The following RPGRIP1 variants were observed in gnomAD, a reference collection of about 807,000 sequenced individuals.
RPGRIP1 encodes X-linked retinitis pigmentosa GTPase regulator-interacting protein 1.
A neutral mutation model predicts 157.9 loss-of-function variants in RPGRIP1; 128 were observed. That is an observed-to-expected ratio of 0.81 (90% confidence interval 0.70 to 0.94). The LOEUF is 0.94. RPGRIP1 is among the 40% of genes least tolerant of loss of function. The probability of loss-of-function intolerance (pLI) is 0.00; values close to 1 mark genes in which losing one functional copy is unlikely to be tolerated. For synonymous variants in RPGRIP1, 554 were observed against 571.6 expected (o/e 0.97, Z 0.44); for missense variants, 1,486 against 1,545.8 (o/e 0.96, Z 0.65).
In RPGRIP1 at chr14:21,330,379, C is replaced by A; in HGVS notation, c.3230C>A (p.Pro1077His). ...SALKQKEPLH[P>H]VNDKESSEQG... ...CTGAAACAGAAGGAACCTCTACATC[C>A]TGTAAATGGTATTGTCTTTTAAAAT... Residue 1077 changes from proline (P) to histidine (H), a missense_variant, in exon 20 of 25, where the codon CCT (proline) becomes CAT (histidine). Physicochemically the swap from Pro to His is moderately conservative, Grantham distance 77 (BLOSUM62 -2). Transcript: ENST00000400017. The A allele has an allele frequency of 1.3e-6, 2 of 1,519,114 alleles. No individual in the cohort carries two copies. Among genetic ancestry groups the A allele is most frequent in the Non-Finnish European group, 1.8e-6 (2 of 1,140,774 alleles). 94.1% of individuals were successfully genotyped at this position (1,519,114 alleles called of 1,614,324 possible). A position where few individuals can be genotyped will look rare whatever the true frequency, so the allele number is the denominator to read the frequency against.
rs781308681 is a variant in RPGRIP1 at position 21,334,616 on chromosome 14, T to C, written c.3250T>C (p.Ser1084Pro). The C allele has an allele frequency of 1.8e-5, 29 of 1,606,304 alleles. No individual in the cohort carries two copies. Among genetic ancestry groups the C allele is most frequent in the Middle Eastern group, 1.7e-4 (1 of 6,054 alleles). ...CTCTTCTCTAGCAGACAAAGAATCC[T>C]CTGAACAAGGTTCTGAAGTCAGTGA... ...PLHPVNDKESSEQGSEVSEAQ... is the reference protein window; with the variant it reads ...PLHPVNDKESPEQGSEVSEAQ... Residue 1084 changes from serine (S) to proline (P), a missense_variant, in exon 21 of 25, where the codon TCT (serine) becomes CCT (proline). Coordinates refer to ENST00000400017, the MANE Select transcript of RPGRIP1 (RefSeq NM_020366.4).
rs914959026 is a variant in RPGRIP1 at position 21,345,328 on chromosome 14, C to T, written c.3617+131C>T. 15 of 621,020 alleles carry T rather than the reference C, an allele frequency of 2.4e-5. No homozygotes were observed. The African/African-American group carries it at 2.8e-4, about 12-fold the overall frequency. The allele number at this position is 621,020 out of a possible 1,614,324, so 38.5% of individuals were successfully genotyped here. On this transcript the variant is annotated intron_variant, in intron 23 of 24. Coordinates refer to ENST00000400017, the MANE Select transcript of RPGRIP1 (RefSeq NM_020366.4). ...AGTTAATTTACTCTTAATGAATTTCCTATGTACTTGAGTATAATTTATATT... is the reference window on the plus strand; with the variant it reads ...AGTTAATTTACTCTTAATGAATTTCTTATGTACTTGAGTATAATTTATATT...
intron 14 of RPGRIP1, among the ~76,000 whole-genome samples, chr14:21,323,082 G>A (rs111590496): frequency 6.6e-6 from 1 of 152,100 alleles, no homozygotes; most frequent in Non-Finnish European, 1.5e-5. Context: ...GCCCTCTTTC[G>A]GGAAGCAAAA....
intron 23 of RPGRIP1, among the ~76,000 whole-genome samples, chr14:21,346,703 T>C (rs1885608264): frequency 6.6e-6 from 1 of 152,228 alleles, no homozygotes; most frequent in Admixed American, 6.5e-5. Flanking sequence ...TTTTTAATTT[T>C]TTTGTTTGTT....
At chr14:21,346,370 T>C (rs1449459047) in intron 23 of RPGRIP1, among the ~76,000 whole-genome samples, 1 of 151,940 alleles carries the variant, frequency 6.6e-6, no homozygotes, top group Non-Finnish European at 1.5e-5. Flanking sequence ...GCCGACATGG[T>C]GAAACCCCAT....
intron 4 of RPGRIP1, among the ~76,000 whole-genome samples, chr14:21,301,621 G>A (rs57189871): frequency 0.024 from 3,606 of 151,272 alleles, 136 homozygotes; most frequent in African/African-American, 0.082. Flanking sequence ...AGGTTGCAGT[G>A]AGCTGAGATT....
chr14:21,302,792 C>T (rs1170134153), intron 5 of RPGRIP1: 1 of 359,526 alleles, frequency 2.8e-6, no homozygotes, highest in Non-Finnish European at 5.0e-6. Context: ...AAATAAAGGT[C>T]CATTTCTCAG....
Position 21,303,339 on chromosome 14 carries a change from G to A in RPGRIP1, c.596G>A (p.Gly199Asp). The A allele has an allele frequency of 6.2e-7, 1 of 1,611,620 alleles. No homozygotes were observed. The highest frequency in any genetic ancestry group is 1.7e-5 in the Admixed American group (1 of 59,782). The change falls in exon 6 of 25, where the codon GGT becomes GAT. Residue 199 changes from glycine to aspartate, a missense_variant. Gly to Asp is a moderately conservative substitution (Grantham distance 94, BLOSUM62 -1). Coordinates refer to ENST00000400017, the MANE Select transcript of RPGRIP1 (RefSeq NM_020366.4). ...ATCCTTTTTGTATTTAGTGTTTCTGGTTCTAACAGCATAATTTCTTTCAGC... is the reference window on the plus strand; with the variant it reads ...ATCCTTTTTGTATTTAGTGTTTCTGATTCTAACAGCATAATTTCTTTCAGC... The part of the protein sequence containing the change: ...VASKPSELVS[G>D]SNSIISFSSV...
At chr14:21,293,075 G>A (rs1217321461) in intron 2 of RPGRIP1, among the ~76,000 whole-genome samples, 1 of 152,066 alleles carries the variant, frequency 6.6e-6, no homozygotes, top group East Asian at 1.9e-4. Context: ...GAACCTGGGA[G>A]GCAGAGGTTG....
At chr14:21,328,962 G>A (rs1883411655) in intron 19 of RPGRIP1, among the ~76,000 whole-genome samples, 1 of 152,078 alleles carries the variant, frequency 6.6e-6, no homozygotes, top group Non-Finnish European at 1.5e-5. Flanking sequence ...TGACCAACAT[G>A]GTGAAACCCT....
In RPGRIP1 at chr14:21,327,685, T is replaced by G; in HGVS notation, c.2773T>G (p.Trp925Gly). 6.2e-7 allele frequency: 1 copy of G among 1,613,972 alleles called. No individual in the cohort carries two copies. Among genetic ancestry groups the G allele is most frequent in the Non-Finnish European group, 8.5e-7 (1 of 1,179,874 alleles). ...PNGSIQVQLD[W>G]KFPYIPPESF... is the part of the protein sequence containing the mutation. ...CGGATCTATTCAAGTGCAACTGGATTGGAAGTTTCCCTACATACCCCCTGA... is the reference window on the plus strand; with the variant it reads ...CGGATCTATTCAAGTGCAACTGGATGGGAAGTTTCCCTACATACCCCCTGA... The change falls in exon 18 of 25, where the codon TGG becomes GGG. Residue 925 changes from tryptophan to glycine, a missense_variant. Transcript: ENST00000400017.
intron 1 of RPGRIP1, among the ~76,000 whole-genome samples, chr14:21,281,748 G>A (rs1045066439): frequency 9.3e-5 from 13 of 140,172 alleles, no homozygotes; most frequent in African/African-American, 2.8e-4. Flanking sequence ...CAGAGTAAGG[G>A]GAACTGGCTA....
At position 21,294,831 on chromosome 14, in the gene RPGRIP1, T is replaced by A. The variant is rs1270063455; in HGVS notation, c.218+22T>A. ...AAAGGTACTTAGAGTTCTCCTTAAA[T>A]TTTTTTTTTTTTTTTTTTTTTTTTT... On this transcript the variant is annotated intron_variant, in intron 3 of 24. Transcript: ENST00000400017. 4 of 168,656 alleles carry A rather than the reference T, an allele frequency of 2.4e-5. No homozygotes were observed. In the South Asian group the frequency reaches 8.5e-4, roughly 36 times the overall value. The allele number at this position is 168,656 out of a possible 1,614,324, so 10.4% of individuals were successfully genotyped here.
chr14:21,293,217 TG>T (rs1566667777), intron 2 of RPGRIP1, among the ~76,000 whole-genome samples: 1 of 152,080 alleles, frequency 6.6e-6, no homozygotes, highest in Non-Finnish European at 1.5e-5. Flanking sequence ...AGAGCAGACC[TG>T]GGCCAGTGAA....
At chr14:21,316,382 G>A (rs1881810022) in intron 10 of RPGRIP1, among the ~76,000 whole-genome samples, 1 of 151,904 alleles carries the variant, frequency 6.6e-6, no homozygotes, top group South Asian at 2.1e-4. Flanking sequence ...AAAGTGCTGG[G>A]ATTACAGGTG....
intron 6 of RPGRIP1, among the ~76,000 whole-genome samples, chr14:21,305,967 T>G (rs1881281385): frequency 6.6e-6 from 1 of 152,050 alleles, no homozygotes; most frequent in African/African-American, 2.4e-5. Flanking sequence ...CAGTGTAATT[T>G]TAAGATCTCT....
rs1318037673 is a variant in RPGRIP1 at position 21,304,268 on chromosome 14, T to G, written c.800+725T>G. ...AGGCGGAGGTTGCAGTGAGCCGAGA[T>G]TGCACCATTGCACTCCAGCCTGGGC... On this transcript the variant is annotated intron_variant, in intron 6 of 24. Transcript: ENST00000400017. Among the ~76,000 whole-genome samples, 6 of 144,178 alleles carry G rather than the reference T, an allele frequency of 4.2e-5. No individual in the cohort carries two copies. In the East Asian group the frequency reaches 1.2e-3, roughly 29 times the overall value. The allele number at this position is 144,178 out of a possible 152,430, so 94.6% of individuals were successfully genotyped here.
chr14:21,324,882 A>G lies in RPGRIP1; in HGVS notation c.2027A>G (p.Tyr676Cys). The change falls in exon 15 of 25, where the codon TAT becomes TGT. Residue 676 changes from tyrosine (Y) to cysteine (C), a missense_variant. Transcript: ENST00000400017. ...TTATCTGTGGGGCCACAGCCCCTCTATGACTTCACCTCCCAGTATGTGATG... is the reference window on the plus strand; with the variant it reads ...TTATCTGTGGGGCCACAGCCCCTCTGTGACTTCACCTCCCAGTATGTGATG... ...TPLSVGPQPL[Y>C]DFTSQYVMET... The G allele has an allele frequency of 1.2e-6, 2 of 1,614,032 alleles. No homozygotes were observed. Among genetic ancestry groups the G allele is most frequent in the Non-Finnish European group, 1.7e-6 (2 of 1,179,896 alleles).
intron 21 of RPGRIP1, among the ~76,000 whole-genome samples, chr14:21,342,833 C>A (rs919723270): frequency 6.6e-6 from 1 of 152,068 alleles, no homozygotes; most frequent in Non-Finnish European, 1.5e-5. Context: ...TTATAAATTT[C>A]CTATCAATTA....
Sources: gnomAD v4.1 joint callset for allele counts (sites outside exome capture counted in the v4.1 genomes callset) on GRCh38, gnomAD v4.1.1 for gene constraint, MANE v1.5 for transcripts, NCBI Gene and HGNC (gene_info 2026-07-23, HGNC 2026-07-21) for gene names.